The following SLC24A2 variants were observed in gnomAD, a reference collection of about 807,000 sequenced individuals.
The protein encoded by SLC24A2 is sodium/potassium/calcium exchanger 2.
A neutral mutation model predicts 62.0 loss-of-function variants in SLC24A2; 36 were observed. The observed-to-expected ratio is 0.58, with a 90% CI of 0.44 to 0.77. SLC24A2 has a LOEUF of 0.77. Among genes scored for constraint, SLC24A2 ranks in the 30% least tolerant of loss-of-function variants. The pLI is 0.00. For synonymous variants in SLC24A2, 358 were observed against 294.0 expected (o/e 1.22, Z -2.23); for missense variants, 846 against 817.9 (o/e 1.03, Z -0.42).
the SLC24A2 span, among the ~76,000 whole-genome samples, chr9:20,114,538 A>C: frequency 3.3e-3 from 508 of 152,298 alleles, 2 homozygotes; most frequent in African/African-American, 0.011. Context: ...AATGCAGTAC[A>C]CCATCCCAAA....
At chr9:20,267,774 T>G in the SLC24A2 span, among the ~76,000 whole-genome samples, 19,661 of 152,178 alleles carry the variant, frequency 0.13, 1,323 homozygotes, top group Middle Eastern at 0.16. Context: ...GAAACACAAT[T>G]TTTTTTAATT....
the SLC24A2 span, chr9:19,928,932 C>G: frequency 2.0e-5 from 3 of 152,182 alleles, no homozygotes; most frequent in African/African-American, 7.2e-5. Flanking sequence ...TTTCTAACTT[C>G]CTGACCTGCA....
the SLC24A2 span, among the ~76,000 whole-genome samples, chr9:20,112,060 G>T: frequency 6.6e-5 from 10 of 152,124 alleles, no homozygotes; most frequent in Admixed American, 3.3e-4. Flanking sequence ...AAAAAGTAGA[G>T]CTAACTGGAC....
At chr9:19,756,078 T>G (rs1344506324) in intron 2 of SLC24A2, among the ~76,000 whole-genome samples, 1 of 152,200 alleles carries the variant, frequency 6.6e-6, no homozygotes, top group Non-Finnish European at 1.5e-5. Flanking sequence ...ATTCACCAAG[T>G]TACCTGCTAC....
chr9:19,954,969 G>A, the SLC24A2 span, among the ~76,000 whole-genome samples: 3 of 145,948 alleles, frequency 2.1e-5, no homozygotes, highest in African/African-American at 4.9e-5. Context: ...ACAGGAAAAA[G>A]AGGAGGCTGC....
At chr9:20,180,981 G>A in the SLC24A2 span, among the ~76,000 whole-genome samples, 2 of 152,034 alleles carry the variant, frequency 1.3e-5, no homozygotes, top group African/African-American at 4.8e-5. Context: ...CTCCTCTTTG[G>A]CAGCTCTCTT....
intron 2 of SLC24A2, among the ~76,000 whole-genome samples, chr9:19,768,684 A>G (rs1452548851): frequency 6.6e-6 from 1 of 152,208 alleles, no homozygotes; most frequent in Non-Finnish European, 1.5e-5. Context: ...GCAGCACTCA[A>G]CTTAAACTCA....
intron 2 of SLC24A2, among the ~76,000 whole-genome samples, chr9:19,782,656 A>G (rs866847950): frequency 6.6e-6 from 1 of 152,200 alleles, no homozygotes. Context: ...ATCTAAAATA[A>G]TTTATTCCAA....
At chr9:20,033,365 T>G in the SLC24A2 span, among the ~76,000 whole-genome samples, 2 of 152,226 alleles carry the variant, frequency 1.3e-5, no homozygotes, top group Non-Finnish European at 2.9e-5. Flanking sequence ...AATGAAATAC[T>G]TGATATGGTA....
chr9:20,034,451 GTTTTTTTTTTTTTT>G, the SLC24A2 span, among the ~76,000 whole-genome samples: 1 of 83,180 alleles, frequency 1.2e-5, no homozygotes, highest in Non-Finnish European at 2.1e-5. Context: ...GGCCTTTTAA[GTTTTTTTTTTTTTT>G]TTTTTTTTTT....
intron 2 of SLC24A2, among the ~76,000 whole-genome samples, chr9:19,774,333 T>C (rs1251982051): frequency 6.6e-6 from 1 of 151,972 alleles, no homozygotes; most frequent in African/African-American, 2.4e-5. Context: ...CCCAGAGAGG[T>C]TAAGTAATGT....
chr9:20,214,061 A>G, the SLC24A2 span, among the ~76,000 whole-genome samples: 5 of 152,212 alleles, frequency 3.3e-5, no homozygotes, highest in African/African-American at 1.2e-4. Context: ...AGAGTTAAAA[A>G]TATTTCCTTG....
At chr9:19,590,423 T>C (rs758811997) in intron 5 of SLC24A2, among the ~76,000 whole-genome samples, 1 of 152,186 alleles carries the variant, frequency 6.6e-6, no homozygotes, top group Non-Finnish European at 1.5e-5. Context: ...CCTTTTCTTC[T>C]GCAGCCCTTG....
At chr9:20,221,702 G>T in the SLC24A2 span, among the ~76,000 whole-genome samples, 12 of 151,926 alleles carry the variant, frequency 7.9e-5, no homozygotes, top group Non-Finnish European at 1.8e-4. Context: ...AAAGAAAATG[G>T]AAGATGTTTA....
the SLC24A2 span, among the ~76,000 whole-genome samples, chr9:19,806,366 C>T: frequency 6.6e-5 from 10 of 152,138 alleles, no homozygotes; most frequent in East Asian, 1.9e-3. Flanking sequence ...TGAGGGCATG[C>T]ACTTGGGAAG....
chr9:20,297,362 A>C, the SLC24A2 span, among the ~76,000 whole-genome samples: 1 of 152,228 alleles, frequency 6.6e-6, no homozygotes, highest in Admixed American at 6.5e-5. Context: ...AGACCAAAGA[A>C]GCAGATTCCA....
the SLC24A2 span, among the ~76,000 whole-genome samples, chr9:20,241,501 A>T: frequency 2.0e-5 from 3 of 152,180 alleles, no homozygotes; most frequent in Non-Finnish European, 4.4e-5. Context: ...CATACAGACT[A>T]TGAGAGTATT....
At chr9:20,050,070 T>A in the SLC24A2 span, among the ~76,000 whole-genome samples, 6 of 151,910 alleles carry the variant, frequency 3.9e-5, no homozygotes, top group Non-Finnish European at 8.8e-5. Context: ...GAAATATATC[T>A]GTTATCAACA....
chr9:20,295,852 C>A, the SLC24A2 span, among the ~76,000 whole-genome samples: 1 of 152,206 alleles, frequency 6.6e-6, no homozygotes, highest in Non-Finnish European at 1.5e-5. Flanking sequence ...TATCATGGAA[C>A]TTCTCAGCCT....
Sources: gnomAD v4.1 joint callset for allele counts (sites outside exome capture counted in the v4.1 genomes callset) on GRCh38, gnomAD v4.1.1 for gene constraint, MANE v1.5 for transcripts, NCBI Gene and HGNC (gene_info 2026-07-23, HGNC 2026-07-21) for gene names.